Variants in C17orf67 observed in about 807,000 individuals in gnomAD.
The protein encoded by C17orf67 is chromosome 17 open reading frame 67, also known as uncharacterized protein C17orf67.
A neutral mutation model predicts 11.2 loss-of-function variants in C17orf67; 12 were observed. The ratio of observed to expected loss-of-function variants is 1.07; its 90% CI spans 0.68 to 1.73. C17orf67 has a LOEUF of 1.73. C17orf67 is among the 40% of genes most tolerant of loss of function. C17orf67 has a pLI of 0.00. For missense variants in C17orf67, 115 were observed against 113.5 expected, an observed-to-expected ratio of 1.01 and a Z score of -0.06; for synonymous variants, 59 against 46.9, an observed-to-expected ratio of 1.26 and a Z score of -1.05.
At chr17:56,816,934 C>A (rs1905774928) in intron 4 of C17orf67, among the ~76,000 whole-genome samples, 1 of 152,226 alleles carries the variant, frequency 6.6e-6, no homozygotes, top group African/African-American at 2.4e-5. Context: ...ACTGCAGCCT[C>A]TAACTCCCAG....
At chr17:56,795,870 G>A (rs985514053) in intron 6 of C17orf67, among the ~76,000 whole-genome samples, 8 of 152,168 alleles carry the variant, frequency 5.3e-5, no homozygotes, top group African/African-American at 1.9e-4. Context: ...ATGGGTCTTA[G>A]AAATAGCATA....
chr17:56,825,944 A>T (rs113920916), intron 2 of C17orf67, among the ~76,000 whole-genome samples: 3,755 of 90,290 alleles, frequency 0.042, 85 homozygotes, highest in African/African-American at 0.092. Context: ...GAAACCTGTG[A>T]GTGTGTGTGT....
chr17:56,806,289 TTTA>T (rs1905450691), intron 6 of C17orf67, among the ~76,000 whole-genome samples: 2 of 152,178 alleles, frequency 1.3e-5, no homozygotes, highest in African/African-American at 2.4e-5. Flanking sequence ...TTGATTTTCT[TTTA>T]TTCTTTTGAC....
intron 6 of C17orf67, among the ~76,000 whole-genome samples, chr17:56,806,605 G>A (rs1905458526): frequency 6.6e-6 from 1 of 152,150 alleles, no homozygotes; most frequent in Non-Finnish European, 1.5e-5. Context: ...GCTCACTTCA[G>A]CCTTGAACTC....
At chr17:56,830,207 T>C (rs1198797142) in intron 2 of C17orf67, among the ~76,000 whole-genome samples, 13 of 152,108 alleles carry the variant, frequency 8.5e-5, no homozygotes, top group South Asian at 2.1e-4. Flanking sequence ...TAGCCGGGCG[T>C]GGTGGCGGGC....
chr17:56,817,054 C>T (rs1905778555), intron 4 of C17orf67, among the ~76,000 whole-genome samples: 1 of 152,006 alleles, frequency 6.6e-6, no homozygotes, highest in Non-Finnish European at 1.5e-5. Flanking sequence ...CAGGGTCTCA[C>T]TATTTTGACC....
intron 6 of C17orf67, among the ~76,000 whole-genome samples, chr17:56,799,032 G>GA (rs1905263604): frequency 6.6e-6 from 1 of 152,104 alleles, no homozygotes; most frequent in African/African-American, 2.4e-5. Flanking sequence ...AACTAAGAGT[G>GA]AAAACTCCCT....
chr17:56,821,565 TCTCAGCTTCC>T (rs1406212593), intron 4 of C17orf67, among the ~76,000 whole-genome samples: 6 of 152,198 alleles, frequency 3.9e-5, no homozygotes, highest in Admixed American at 1.3e-4. Flanking sequence ...CCAGCTGGCA[TCTCAGCTTCC>T]CTCCCTGTTC....
At position 56,814,943 on chromosome 17, in the gene C17orf67, G is replaced by T; in HGVS notation, c.82C>A (p.Gln28Lys). The change falls in exon 6 of 8, where the codon CAG becomes AAG. Residue 28 changes from glutamine (Q) to lysine (K), a missense_variant. Transcript: ENST00000397861. ...CGAGATCTTAGGAGCTGTTTGGCCTGCTTCTCTGTCAAAATCGGGGAGGTC... is the reference window on the plus strand; with the variant it reads ...CGAGATCTTAGGAGCTGTTTGGCCTTCTTCTCTGTCAAAATCGGGGAGGTC... The part of the protein sequence containing the change: ...SETSPILTEK[Q>K]AKQLLRSRRQ... The T allele has an allele frequency of 1.2e-6, 2 of 1,614,092 alleles. No homozygotes were observed. The highest frequency in any genetic ancestry group is 1.7e-6 in the Non-Finnish European group (2 of 1,179,970).
intron 2 of C17orf67, among the ~76,000 whole-genome samples, chr17:56,827,875 T>A (rs1906080656): frequency 6.6e-6 from 1 of 152,172 alleles, no homozygotes; most frequent in African/African-American, 2.4e-5. Flanking sequence ...CACCTCAGAC[T>A]GTGGTTTTCG....
At chr17:56,831,530 T>C (rs1002497291) in intron 2 of C17orf67, among the ~76,000 whole-genome samples, 1 of 152,164 alleles carries the variant, frequency 6.6e-6, no homozygotes, top group African/African-American at 2.4e-5. Context: ...GCAAGGAACG[T>C]GGAGGATCAT....
At chr17:56,832,127 T>C (rs1017533345) in intron 2 of C17orf67, among the ~76,000 whole-genome samples, 2 of 152,132 alleles carry the variant, frequency 1.3e-5, no homozygotes, top group South Asian at 4.1e-4. Context: ...TTTGTATTTT[T>C]AGTAGAGACG....
chr17:56,818,142 C>A (rs1905806067), intron 4 of C17orf67, among the ~76,000 whole-genome samples: 1 of 149,088 alleles, frequency 6.7e-6, no homozygotes, highest in African/African-American at 2.5e-5. Flanking sequence ...ACACGTGCAG[C>A]TAGTAGCATT....
chr17:56,797,567 C>T (rs1268925930), intron 6 of C17orf67, among the ~76,000 whole-genome samples: 2 of 152,112 alleles, frequency 1.3e-5, no homozygotes, highest in Non-Finnish European at 2.9e-5. Context: ...AGAGAAAAAC[C>T]GCGTCCATAC....
At chr17:56,825,558 T>A (rs1034822159) in intron 2 of C17orf67, among the ~76,000 whole-genome samples, 6 of 152,200 alleles carry the variant, frequency 3.9e-5, no homozygotes, top group African/African-American at 1.2e-4. Context: ...TTCAAATTCT[T>A]TAACTAAATC....
chr17:56,817,076 A>G (rs1377384856), intron 4 of C17orf67, among the ~76,000 whole-genome samples: 3 of 151,996 alleles, frequency 2.0e-5, no homozygotes, highest in Non-Finnish European at 4.4e-5. Context: ...GGTTGGTTTC[A>G]AACTCCTGGG....
chr17:56,798,214 G>A (rs1277592485), intron 6 of C17orf67, among the ~76,000 whole-genome samples: 2 of 152,264 alleles, frequency 1.3e-5, no homozygotes, highest in Non-Finnish European at 2.9e-5. Context: ...TTAGGCCCCA[G>A]CCCTGGGGCT....
intron 4 of C17orf67, among the ~76,000 whole-genome samples, chr17:56,821,631 T>C (rs974666840): frequency 3.3e-5 from 5 of 152,196 alleles, no homozygotes; most frequent in East Asian, 3.8e-4. Context: ...CTTCATGAAA[T>C]AGACATAGGA....
chr17:56,826,049 A>C (rs1273382844), intron 2 of C17orf67, among the ~76,000 whole-genome samples: 1 of 151,964 alleles, frequency 6.6e-6, no homozygotes, highest in Admixed American at 6.6e-5. Context: ...CCACCTCCTG[A>C]ACTCATGTGA....
Sources: allele counts gnomAD v4.1 joint callset (sites outside exome capture counted in the v4.1 genomes callset), GRCh38; gene constraint gnomAD v4.1.1; transcripts MANE v1.5; gene names NCBI Gene and HGNC (gene_info 2026-07-23, HGNC 2026-07-21).